NPSR1: variants seen among roughly 807,000 people sequenced by gnomAD.
NPSR1 encodes the protein neuropeptide S receptor.
A neutral mutation model predicts 46.9 loss-of-function variants in NPSR1; 48 were observed. The observed-to-expected ratio is 1.02, with a 90% CI of 0.81 to 1.30. The LOEUF (loss-of-function observed/expected upper bound fraction) is 1.30, where lower values mean the gene tolerates loss of function less well. Ranked by LOEUF, NPSR1 falls within the 50% of genes most tolerant of loss-of-function variation. NPSR1 has a pLI of 0.00. For missense variants in NPSR1, 450 were observed against 449.5 expected, an observed-to-expected ratio of 1.00 and a Z score of -0.01; for synonymous variants, 176 against 168.1, an observed-to-expected ratio of 1.05 and a Z score of -0.36.
chr7:34,862,018 A>G (rs1310336564), intron 8 of NPSR1, among the ~76,000 whole-genome samples: 1 of 151,810 alleles, frequency 6.6e-6, no homozygotes, highest in African/African-American at 2.4e-5. Flanking sequence ...CCTCTTCAAC[A>G]GGCACTCCCC....
intron 3 of NPSR1, among the ~76,000 whole-genome samples, chr7:34,798,882 G>C (rs928860714): frequency 1.3e-5 from 2 of 152,234 alleles, no homozygotes; most frequent in South Asian, 2.1e-4. Flanking sequence ...TAAGTGAATT[G>C]AAGAAGATAT....
At chr7:34,734,819 T>G (rs905486726) in intron 2 of NPSR1, among the ~76,000 whole-genome samples, 1 of 152,228 alleles carries the variant, frequency 6.6e-6, no homozygotes, top group Non-Finnish European at 1.5e-5. Flanking sequence ...TTGATAATAA[T>G]TAACAGATTT....
intron 2 of NPSR1, among the ~76,000 whole-genome samples, chr7:34,698,174 T>C (rs555783920): frequency 2.0e-5 from 3 of 152,206 alleles, no homozygotes; most frequent in East Asian, 1.9e-4. Flanking sequence ...GAATTTGCTT[T>C]GAAAGGAATA....
chr7:34,819,190 A>G (rs1020111040), intron 4 of NPSR1, among the ~76,000 whole-genome samples: 1 of 152,218 alleles, frequency 6.6e-6, no homozygotes, highest in African/African-American at 2.4e-5. Context: ...GCTAATATCC[A>G]GAATCTACAA....
Position 34,849,916 on chromosome 7 carries a change from C to T in NPSR1, c.*261C>T, listed in dbSNP as rs1584142334. 1.6e-6 allele frequency: 2 copies of T among 1,242,330 alleles called. No homozygotes were observed. The highest frequency in any genetic ancestry group is 1.0e-6 in the Non-Finnish European group (1 of 983,586). The allele number at this position is 1,242,330 out of a possible 1,614,324, so 77.0% of individuals were successfully genotyped here. On this transcript the variant is annotated 3_prime_UTR_variant, in exon 9 of 9. Coordinates refer to ENST00000360581, the MANE Select transcript of NPSR1 (RefSeq NM_207172.2). Reference sequence around the variant, plus strand: ...CAGCCCTCCTTCCCACTGGCCAGCACCTGAACCCAGTGAACACAGGCATTA... The same window carrying T: ...CAGCCCTCCTTCCCACTGGCCAGCATCTGAACCCAGTGAACACAGGCATTA...
intron 1 of NPSR1, among the ~76,000 whole-genome samples, chr7:34,683,419 C>A (rs1369193731): frequency 6.7e-6 from 1 of 148,228 alleles, no homozygotes; most frequent in Non-Finnish European, 1.5e-5. Flanking sequence ...TGCACTCCAG[C>A]CTGGGTGACA....
At chr7:34,823,417 C>CAAAAAAAAAAAAAAAA (rs79081202) in intron 4 of NPSR1, among the ~76,000 whole-genome samples, 2 of 103,958 alleles carry the variant, frequency 1.9e-5, no homozygotes, top group Non-Finnish European at 3.7e-5. Context: ...AAAAAAAAAA[C>CAAAAAAAAAAAAAAAA]AACACCATAA....
chr7:34,827,314 A>T, intron 4 of NPSR1, 87 bp from the exon 5 acceptor site: 1 of 1,156,742 alleles, frequency 8.6e-7, no homozygotes, highest in Non-Finnish European at 1.3e-6. Context: ...TGGCTGCCCC[A>T]CAGTGATCCT....
chr7:34,830,066 A>G, intron 5 of NPSR1, among the ~76,000 whole-genome samples: 1 of 152,228 alleles, frequency 6.6e-6, no homozygotes, highest in East Asian at 1.9e-4. Flanking sequence ...AGCAACAACT[A>G]TCTTCTCAAA....
chr7:34,793,588 T>G (rs974771078), intron 3 of NPSR1, among the ~76,000 whole-genome samples: 4 of 152,060 alleles, frequency 2.6e-5, no homozygotes, highest in African/African-American at 9.7e-5. Flanking sequence ...TTGGCAAGGA[T>G]GTGGAGAAAG....
chr7:34,726,014 G>C (rs1000049450), intron 2 of NPSR1, among the ~76,000 whole-genome samples: 1 of 152,170 alleles, frequency 6.6e-6, no homozygotes, highest in Admixed American at 6.5e-5. Flanking sequence ...CTATGATTGA[G>C]AGACCTCTAA....
chr7:34,878,327 G>T, exon 9 of NPSR1: 3 of 494,930 alleles, frequency 6.1e-6, no homozygotes, highest in Non-Finnish European at 1.1e-5. Context: ...CTATAAGAAG[G>T]CAGACTTCTT....
chr7:34,731,912 G>A (rs994493509), intron 2 of NPSR1, among the ~76,000 whole-genome samples: 5 of 151,948 alleles, frequency 3.3e-5, no homozygotes, highest in Admixed American at 6.6e-5. Context: ...CAGGTGCAGC[G>A]GCTCATGCCT....
At chr7:34,751,814 T>C in intron 2 of NPSR1, 1 of 1,586,428 alleles carries the variant, frequency 6.3e-7, no homozygotes, top group Non-Finnish European at 8.7e-7. Flanking sequence ...ACTGTGGGAC[T>C]CTCTGCCAGT....
At chr7:34,786,556 G>T (rs746284282) in intron 3 of NPSR1, among the ~76,000 whole-genome samples, 1 of 152,072 alleles carries the variant, frequency 6.6e-6, no homozygotes. Context: ...CTTCTGGAAG[G>T]TTTTCAATTT....
chr7:34,851,509 C>A (rs1043893734), downstream of NPSR1, among the ~76,000 whole-genome samples: 1 of 152,108 alleles, frequency 6.6e-6, no homozygotes, highest in Non-Finnish European at 1.5e-5. Flanking sequence ...ACTTGAGCAA[C>A]CCTGGAAGCT....
intron 8 of NPSR1, among the ~76,000 whole-genome samples, chr7:34,861,926 G>A (rs749054593): frequency 6.6e-6 from 1 of 151,862 alleles, no homozygotes; most frequent in Non-Finnish European, 1.5e-5. Context: ...TAACTCATTT[G>A]CATTCAACTC....
intron 2 of NPSR1, among the ~76,000 whole-genome samples, chr7:34,743,552 G>T (rs1463887154): frequency 1.3e-5 from 2 of 151,638 alleles, no homozygotes; most frequent in African/African-American, 4.8e-5. Context: ...GCAATTCTCT[G>T]TCTCAGTCTC....
intron 2 of NPSR1, among the ~76,000 whole-genome samples, chr7:34,707,092 TG>T (rs1794150464): frequency 6.6e-6 from 1 of 152,210 alleles, no homozygotes; most frequent in African/African-American, 2.4e-5. Flanking sequence ...TTAGAAAAAT[TG>T]GGTTTCTTTA....
Sources: allele counts gnomAD v4.1 joint callset (sites outside exome capture counted in the v4.1 genomes callset), GRCh38; gene constraint gnomAD v4.1.1; transcripts MANE v1.5; gene names NCBI Gene and HGNC (gene_info 2026-07-23, HGNC 2026-07-21).